The following SCARA5 variants were observed in gnomAD, a reference collection of about 807,000 sequenced individuals.
SCARA5 encodes the protein scavenger receptor class A, member 5 (putative).
SCARA5 carries 45 observed loss-of-function variants against 46.3 expected under a neutral mutation model. That is an observed-to-expected ratio of 0.97 (90% CI 0.76 to 1.24). The LOEUF is 1.24. SCARA5 is among the 50% of genes most tolerant of loss of function. The pLI is 0.00. For missense variants in SCARA5, 680 were observed against 689.0 expected, an observed-to-expected ratio of 0.99 and a Z score of 0.15; for synonymous variants, 333 against 306.5, an observed-to-expected ratio of 1.09 and a Z score of -0.90.
At chr8:27,934,363 G>T (rs542956918) in intron 3 of SCARA5, among the ~76,000 whole-genome samples, 2 of 152,320 alleles carry the variant, frequency 1.3e-5, no homozygotes, top group African/African-American at 4.8e-5. Context: ...TTCGACCTGG[G>T]AGGTCGCACT....
intron 8 of SCARA5, among the ~76,000 whole-genome samples, chr8:27,874,301 C>G (rs751032058): frequency 6.6e-6 from 1 of 152,152 alleles, no homozygotes; most frequent in Non-Finnish European, 1.5e-5. Flanking sequence ...AACTGAGGCC[C>G]CAGAAAGATT....
intron 3 of SCARA5, among the ~76,000 whole-genome samples, chr8:27,936,064 A>G (rs1307811681): frequency 1.3e-5 from 2 of 152,120 alleles, no homozygotes; most frequent in Non-Finnish European, 2.9e-5. Flanking sequence ...GCCCCTGCCC[A>G]GAATTAGGAG....
chr8:27,884,548 G>A (rs2129684969), intron 7 of SCARA5, among the ~76,000 whole-genome samples: 1 of 152,372 alleles, frequency 6.6e-6, no homozygotes, highest in Middle Eastern at 3.4e-3. Flanking sequence ...GGCAAGAAGT[G>A]GCAGGAGGGT....
chr8:27,934,898 C>T (rs770620528), intron 3 of SCARA5, among the ~76,000 whole-genome samples: 3 of 152,240 alleles, frequency 2.0e-5, no homozygotes, highest in Non-Finnish European at 2.9e-5. Context: ...CTGCCCAGGG[C>T]CCAGTTTGGG....
chr8:27,965,319 C>T (rs1178439769), intron 3 of SCARA5, among the ~76,000 whole-genome samples: 1 of 152,236 alleles, frequency 6.6e-6, no homozygotes, highest in Non-Finnish European at 1.5e-5. Context: ...GGCTGGACCT[C>T]CAGATTCCTG....
chr8:27,959,788 A>G (rs115810755), intron 3 of SCARA5, among the ~76,000 whole-genome samples: 2,126 of 152,326 alleles, frequency 0.014, 61 homozygotes, highest in African/African-American at 0.049. Flanking sequence ...GCACAACACC[A>G]TGTCTGTCTG....
intron 7 of SCARA5, 169 bp downstream of exon 7, chr8:27,904,609 G>T: frequency 1.4e-6 from 1 of 717,104 alleles, no homozygotes; most frequent in Non-Finnish European, 2.5e-6. Context: ...GGGTCTATCA[G>T]CATCTCTTGC....
At chr8:27,959,623 G>C (rs948564603) in intron 3 of SCARA5, among the ~76,000 whole-genome samples, 2 of 152,184 alleles carry the variant, frequency 1.3e-5, no homozygotes, top group Admixed American at 1.3e-4. Flanking sequence ...ACTTTCCTTG[G>C]TGTTACCAAC....
chr8:27,924,818 T>A (rs1807655652), intron 3 of SCARA5, among the ~76,000 whole-genome samples: 1 of 152,104 alleles, frequency 6.6e-6, no homozygotes, highest in African/African-American at 2.4e-5. Flanking sequence ...TGCGCAAAAA[T>A]CACAAGCATT....
chr8:27,972,983 C>T (rs1808469293), intron 2 of SCARA5, among the ~76,000 whole-genome samples: 1 of 152,200 alleles, frequency 6.6e-6, no homozygotes, highest in Non-Finnish European at 1.5e-5. Flanking sequence ...ATCTCTTTAC[C>T]TCTCTGGCGA....
intron 8 of SCARA5, among the ~76,000 whole-genome samples, chr8:27,875,718 G>A (rs142342499): frequency 2.6e-4 from 39 of 152,266 alleles, no homozygotes; most frequent in African/African-American, 8.7e-4. Flanking sequence ...TTCTGAGAGC[G>A]ATAAAAATCC....
intron 7 of SCARA5, chr8:27,903,366 G>A (rs1411693031): frequency 1.3e-5 from 2 of 152,240 alleles, no homozygotes; most frequent in Non-Finnish European, 2.9e-5. Context: ...GTAATGATCT[G>A]GAGGATTAGG....
intron 2 of SCARA5, among the ~76,000 whole-genome samples, chr8:27,967,992 A>G (rs1366574920): frequency 6.6e-6 from 1 of 152,190 alleles, no homozygotes; most frequent in Non-Finnish European, 1.5e-5. Flanking sequence ...AAGAGAGGCT[A>G]AAATAATTGA....
intron 7 of SCARA5, among the ~76,000 whole-genome samples, chr8:27,901,777 G>A (rs1585474702): frequency 6.6e-6 from 1 of 152,206 alleles, no homozygotes. Flanking sequence ...GGAGCTACCA[G>A]TGAAAGAGGG....
At chr8:27,975,752 G>A (rs1808513578) in intron 2 of SCARA5, among the ~76,000 whole-genome samples, 2 of 152,130 alleles carry the variant, frequency 1.3e-5, no homozygotes, top group East Asian at 3.9e-4. Context: ...AGTGACCTCT[G>A]CCCTGCTGCA....
intron 3 of SCARA5, among the ~76,000 whole-genome samples, chr8:27,963,899 T>C (rs368940678): frequency 3.3e-5 from 5 of 152,094 alleles, no homozygotes; most frequent in Admixed American, 3.3e-4. Context: ...GAGATTTGCA[T>C]TGACAAGGAG....
intron 7 of SCARA5, among the ~76,000 whole-genome samples, chr8:27,883,995 T>C (rs1256969422): frequency 1.3e-5 from 2 of 152,112 alleles, no homozygotes; most frequent in East Asian, 1.9e-4. Context: ...AATTGACATC[T>C]GTGCCCCATG....
chr8:27,909,607 G>T, intron 5 of SCARA5, 56 bp downstream of exon 5: 3 of 1,209,426 alleles, frequency 2.5e-6, no homozygotes, highest in South Asian at 1.3e-5. Flanking sequence ...AGAAAGTAGC[G>T]GGTAGAGATG....
intron 7 of SCARA5, among the ~76,000 whole-genome samples, chr8:27,894,954 G>A (rs1370669175): frequency 6.6e-6 from 1 of 152,118 alleles, no homozygotes; most frequent in Non-Finnish European, 1.5e-5. Flanking sequence ...AACGGAGCTG[G>A]TCACTAAATA....
Sources: allele counts gnomAD v4.1 joint callset (sites outside exome capture counted in the v4.1 genomes callset), GRCh38; gene constraint gnomAD v4.1.1; transcripts MANE v1.5; gene names NCBI Gene and HGNC (gene_info 2026-07-23, HGNC 2026-07-21).